Variants in TELO2 observed in about 807,000 individuals in gnomAD.
The protein encoded by TELO2 is telomere length regulation protein TEL2 homolog.
A neutral mutation model predicts 91.0 loss-of-function variants in TELO2; 71 were observed. That is an observed-to-expected ratio of 0.78 (90% confidence interval 0.64 to 0.95). The LOEUF is 0.95. TELO2 is among the 40% of genes least tolerant of loss of function. The pLI is 0.00. For synonymous variants in TELO2, 584 were observed against 518.9 expected, an observed-to-expected ratio of 1.13 and a Z score of -1.71; for missense variants, 1,183 against 1,141.3, an observed-to-expected ratio of 1.04 and a Z score of -0.53.
Position 1,501,725 on chromosome 16 carries a change from G to A in TELO2, c.1424G>A (p.Gly475Asp). Reference sequence around the variant, plus strand: ...GAGACCCCCGCAGAGATCGTGGATGGCGGCGTCCCCCAAGCACAGCTGGCG... The same window carrying A: ...GAGACCCCCGCAGAGATCGTGGATGACGGCGTCCCCCAAGCACAGCTGGCG... ...PAETPAEIVD[G>D]GVPQAQLAGS... Residue 475 changes from glycine to aspartate, a missense_variant, in exon 11 of 21, where the codon GGC becomes GAC. Transcript: ENST00000262319. The A allele has an allele frequency of 6.2e-7, 1 of 1,612,336 alleles. No individual in the cohort carries two copies. The highest frequency in any genetic ancestry group is 8.5e-7 in the Non-Finnish European group (1 of 1,179,900).
chr16:1,508,663 C>T (rs2039997448), intron 20 of TELO2, among the ~76,000 whole-genome samples: 1 of 152,184 alleles, frequency 6.6e-6, no homozygotes, highest in South Asian at 2.1e-4. Flanking sequence ...TGTGCCTCTT[C>T]TGCCCCAGCC....
intron 20 of TELO2, among the ~76,000 whole-genome samples, chr16:1,509,466 C>G (rs566398191): frequency 6.6e-6 from 1 of 152,342 alleles, no homozygotes; most frequent in African/African-American, 2.4e-5. Context: ...GCGGGTGGCA[C>G]GCCCACCACC....
At chr16:1,506,121 C>T (rs562218361) in intron 16 of TELO2, 117 bp from the exon 17 acceptor site, 33 of 1,148,968 alleles carry the variant, frequency 2.9e-5, no homozygotes, top group Admixed American at 1.7e-4. Context: ...AAGAGTAGCC[C>T]GGGGAGGCAA....
chr16:1,508,603 G>A (rs770816947), intron 20 of TELO2, among the ~76,000 whole-genome samples: 2 of 152,176 alleles, frequency 1.3e-5, no homozygotes, highest in African/African-American at 2.4e-5. Context: ...GGGGGGCGCT[G>A]GGGGATGCTT....
intron 3 of TELO2, among the ~76,000 whole-genome samples, chr16:1,496,159 G>A (rs1596250625): frequency 6.6e-6 from 1 of 152,202 alleles, no homozygotes; most frequent in East Asian, 1.9e-4. Flanking sequence ...CCGAGCTCCA[G>A]GCGACAGCTC....
Position 1,507,223 on chromosome 16 carries a change from C to T in TELO2, c.2227-83C>T, listed in dbSNP as rs1425288872. On this transcript the variant is annotated intron_variant, in intron 18 of 20. Transcript: ENST00000262319. Reference sequence around the variant, plus strand: ...CAGGCAGGCCCTGTCCCTGCTGCTGCCCAGCAGCGGAAGCCGCCCATGGGT... The same window carrying T: ...CAGGCAGGCCCTGTCCCTGCTGCTGTCCAGCAGCGGAAGCCGCCCATGGGT... The T allele has an allele frequency of 2.6e-6, 4 of 1,548,648 alleles. No homozygotes were observed. In the East Asian group the frequency reaches 6.8e-5, roughly 26 times the overall value.
rs958293124 is a variant in TELO2 at position 1,497,703 on chromosome 16, C to G, written c.830+195C>G. On this transcript the variant is annotated intron_variant, in intron 5 of 20. Transcript: ENST00000262319. The surrounding 1 kb of genome is among the most constrained non-coding windows in gnomAD (Gnocchi z 4.0). ...GACCTCTGTATCAGAGGGTCCCTTT[C>G]TCTTATGAAATAGCATCGATGCTGT... 3.9e-5 allele frequency among the ~76,000 whole-genome samples: 6 copies of G among 152,202 alleles called. No individual in the cohort carries two copies. The highest frequency in any genetic ancestry group is 4.4e-5 in the Non-Finnish European group (3 of 68,040).
Position 1,510,164 on chromosome 16 carries a change from G to A in TELO2, c.*228G>A, listed in dbSNP as rs1315742091. On this transcript the variant is annotated 3_prime_UTR_variant, in exon 21 of 21. Transcript: ENST00000262319. ...CCCGCCGGGACATGGCAGCCTGGAC[G>A]TGGGGCTGGGGCTGTGGGCGCTGCT... 12 of 543,436 alleles carry A rather than the reference G, an allele frequency of 2.2e-5. 1 individual carries two copies. The highest frequency in any genetic ancestry group is 1.0e-4 in the South Asian group (5 of 49,416). 33.7% of individuals were successfully genotyped at this position (543,436 alleles called of 1,614,324 possible). A position where few individuals can be genotyped will look rare whatever the true frequency, so the allele number is the denominator to read the frequency against.
intron 15 of TELO2, among the ~76,000 whole-genome samples, chr16:1,504,708 C>G (rs1048985672): frequency 2.6e-5 from 4 of 151,400 alleles, no homozygotes; most frequent in African/African-American, 9.7e-5. Context: ...CAGGCGCCCG[C>G]CACCACGCCC....
rs533351630 is a variant in TELO2 at position 1,494,399 on chromosome 16, G to T, written c.118G>T (p.Gly40Cys). The T allele has an allele frequency of 1.9e-6, 3 of 1,613,564 alleles. No homozygotes were observed. The highest frequency in any genetic ancestry group is 2.7e-5 in the African/African-American group (2 of 75,014). ...CTLESLKRYL[G>C]EMEPPALPRE... is the part of the protein sequence containing the mutation. Reference sequence around the variant, plus strand: ...CCTGGAGTCCCTGAAGCGGTATCTCGGTGAGATGGAGCCTCCAGCGCTCCC... The same window carrying T: ...CCTGGAGTCCCTGAAGCGGTATCTCTGTGAGATGGAGCCTCCAGCGCTCCC... The change falls in exon 2 of 21, where the codon GGT (glycine) becomes TGT (cysteine). Residue 40 changes from glycine to cysteine, a missense_variant. By Grantham distance (159) the Gly-to-Cys change is radical. Transcript: ENST00000262319. This position sits in a 1 kb window ranked among gnomAD's most constrained non-coding sequence, Gnocchi z 5.6.
intron 17 of TELO2, 110 bp downstream of exon 17, chr16:1,506,439 G>T: frequency 6.3e-7 from 1 of 1,585,292 alleles, no homozygotes; most frequent in Non-Finnish European, 8.6e-7. Flanking sequence ...TGTGAACAGG[G>T]TCGTGCTTTG....
Position 1,501,444 on chromosome 16 carries a change from G to C in TELO2, c.1306G>C (p.Glu436Gln). 1 of 1,612,322 alleles carries C rather than the reference G, an allele frequency of 6.2e-7. No individual in the cohort carries two copies. The highest frequency in any genetic ancestry group is 1.1e-5 in the South Asian group (1 of 91,024). ...GTACGAAGAGGATGAACTGAGCCTCGAGCTGCTGGCCTTGGCCTCCCCCCA... is the reference window on the plus strand; with the variant it reads ...GTACGAAGAGGATGAACTGAGCCTCCAGCTGCTGGCCTTGGCCTCCCCCCA... ...FQYEEDELSL[E>Q]LLALASPQPA... Residue 436 changes from glutamate (E) to glutamine (Q), a missense_variant, in exon 10 of 21, where the codon GAG becomes CAG. By Grantham distance (29) the Glu-to-Gln change is conservative (BLOSUM62 2). Transcript: ENST00000262319.
Position 1,494,558 on chromosome 16 carries a change from G to A in TELO2, c.277G>A (p.Glu93Lys), listed in dbSNP as rs777976113. 2 of 1,613,554 alleles carry A rather than the reference G, an allele frequency of 1.2e-6. No homozygotes were observed. The highest frequency in any genetic ancestry group is 3.3e-4 in the Middle Eastern group (2 of 6,062). ...GGAGCTGTGGGCCAGCTTCTTCCTG[G>A]AGGGCCCGGCGGACCAAGCCTTCCT... The part of the protein sequence containing the change: ...LEELWASFFL[E>K]GPADQAFLVL... The change falls in exon 2 of 21, where the codon GAG becomes AAG. Residue 93 changes from glutamate (E) to lysine (K), a missense_variant. Physicochemically the swap from Glu to Lys is moderately conservative, Grantham distance 56. Coordinates refer to ENST00000262319, the MANE Select transcript of TELO2 (RefSeq NM_016111.4). This position sits in a 1 kb window ranked among gnomAD's most constrained non-coding sequence, Gnocchi z 5.6.
intron 6 of TELO2, among the ~76,000 whole-genome samples, 176 bp downstream of exon 6, chr16:1,499,509 T>C (rs2141032695): frequency 6.6e-6 from 1 of 151,360 alleles, no homozygotes; most frequent in African/African-American, 2.4e-5. Flanking sequence ...CAGGCCCTGC[T>C]GTGACGGCTC....
intron 15 of TELO2, among the ~76,000 whole-genome samples, chr16:1,504,730 T>G (rs1409721672): frequency 6.6e-6 from 1 of 151,450 alleles, no homozygotes; most frequent in African/African-American, 2.4e-5. Context: ...GCTAATTTTG[T>G]GTATTTTTAG....
rs1269431402 is a variant in TELO2, at chr16:1,509,880, G to A, written c.2458G>A (p.Ala820Thr). 6.2e-7 allele frequency: 1 copy of A among 1,612,280 alleles called. No homozygotes were observed. The highest frequency in any genetic ancestry group is 1.1e-5 in the South Asian group (1 of 90,826). The change falls in exon 21 of 21, where the codon GCC becomes ACC. Residue 820 changes from alanine (A) to threonine (T), a missense_variant. Coordinates refer to ENST00000262319, the MANE Select transcript of TELO2 (RefSeq NM_016111.4). ...DEDCRTLALRALLLLQRLKNR... is the reference protein window; with the variant it reads ...DEDCRTLALRTLLLLQRLKNR... ...GGACTGCAGGACGCTGGCACTGAGG[G>A]CCCTGCTGCTTCTGCAGAGACTCAA...
chr16:1,507,923 T>G (rs893438359), intron 20 of TELO2, among the ~76,000 whole-genome samples: 1 of 150,238 alleles, frequency 6.7e-6, no homozygotes, highest in African/African-American at 2.5e-5. Flanking sequence ...TGTGTGTGTG[T>G]GTGTGGGTGT....
At chr16:1,508,353 A>C (rs1367264856) in intron 20 of TELO2, among the ~76,000 whole-genome samples, 3 of 152,026 alleles carry the variant, frequency 2.0e-5, no homozygotes, top group East Asian at 1.9e-4. Flanking sequence ...GGATGGTCTC[A>C]ATCTCCTGAC....
In TELO2 at chr16:1,507,690, T is replaced by A; in HGVS notation, c.2381T>A (p.Leu794Gln). Residue 794 changes from leucine (L) to glutamine (Q), a missense_variant, in exon 20 of 21, where the codon CTG becomes CAG. Coordinates refer to ENST00000262319, the MANE Select transcript of TELO2 (RefSeq NM_016111.4). ...CTGCTGGAGGACCTGATGGACGAGC[T>A]GCTGGAAGCCCGGTCCTGGCTGGCG... The part of the protein sequence containing the change: ...ARLLEDLMDE[L>Q]LEARSWLADV... 6.2e-7 allele frequency: 1 copy of A among 1,604,508 alleles called. No homozygotes were observed. Among genetic ancestry groups the A allele is most frequent in the Non-Finnish European group, 8.5e-7 (1 of 1,179,768 alleles).
Sources: allele counts gnomAD v4.1 joint callset (sites outside exome capture counted in the v4.1 genomes callset), GRCh38; gene constraint gnomAD v4.1.1; non-coding constraint Gnocchi (gnomAD v3.1); transcripts MANE v1.5; gene names NCBI Gene and HGNC (gene_info 2026-07-23, HGNC 2026-07-21).